Variants in LRRC46 observed in about 807,000 individuals in gnomAD.
LRRC46 encodes the protein leucine-rich repeat-containing protein 46.
Under a neutral mutation model 28.0 loss-of-function variants are expected in LRRC46, and 20 were observed. The ratio of observed to expected loss-of-function variants is 0.71; its 90% confidence interval spans 0.50 to 1.04. LRRC46 has a LOEUF of 1.04. LRRC46 is among the 50% of genes least tolerant of loss of function. LRRC46 has a pLI of 0.00. For missense variants in LRRC46, 315 were observed against 390.1 expected, an observed-to-expected ratio of 0.81 and a Z score of 1.62; for synonymous variants, 156 against 158.8, an observed-to-expected ratio of 0.98 and a Z score of 0.13.
At position 47,837,186 on chromosome 17, in the gene LRRC46, C is replaced by A; in HGVS notation, c.*66C>A. 6.4e-7 allele frequency: 1 copy of A among 1,566,618 alleles called. No individual in the cohort carries two copies. Among genetic ancestry groups the A allele is most frequent in the Non-Finnish European group, 8.6e-7 (1 of 1,164,694 alleles). On this transcript the variant is annotated 3_prime_UTR_variant, in exon 8 of 8. Coordinates refer to ENST00000269025, the MANE Select transcript of LRRC46 (RefSeq NM_033413.4). ...CCTGCCCCTCTTCTCAGACCTCTGA[C>A]CTGTGACAGAAGCCCATCCCCAGTA...
In LRRC46 at chr17:47,836,297, C is replaced by T. The variant is rs1453486722; in HGVS notation, c.453-36C>T. 5 of 1,610,814 alleles carry T rather than the reference C, an allele frequency of 3.1e-6. No individual in the cohort carries two copies. The highest frequency in any genetic ancestry group is 3.4e-6 in the Non-Finnish European group (4 of 1,178,712). ...TCTTTGCATCCTCCACGCCAGGGTGCCCTCCTGGGTAACCTCTGCTCCTTC... is the reference window on the plus strand; with the variant it reads ...TCTTTGCATCCTCCACGCCAGGGTGTCCTCCTGGGTAACCTCTGCTCCTTC... On this transcript the variant is annotated intron_variant, in intron 6 of 7. Transcript: ENST00000269025. The surrounding 1 kb of genome is among the most constrained non-coding windows in gnomAD (Gnocchi z 5.8).
chr17:47,835,555 C>A, intron 4 of LRRC46, 111 bp from the exon 5 acceptor site: 2 of 1,347,388 alleles, frequency 1.5e-6, no homozygotes, highest in Non-Finnish European at 2.1e-6. Flanking sequence ...CATGTGTCCC[C>A]ACTGGTCATC....
In LRRC46 at chr17:47,835,696, G is replaced by A; in HGVS notation, c.303G>A (p.Arg101=). ...RFLSLAGNQI[R]QVENLLDLPC... is the part of the protein sequence containing the mutation. ...TGTCTCTGGCAGGAAACCAAATCAG[G>A]CAGGTGGAAAACCTCCTCGACCTCC... Residue 101 remains arginine (R), a synonymous_variant, in exon 5 of 8, where the codon AGG becomes AGA. Coordinates refer to ENST00000269025, the MANE Select transcript of LRRC46 (RefSeq NM_033413.4). 4 of 1,614,122 alleles carry A rather than the reference G, an allele frequency of 2.5e-6. No individual in the cohort carries two copies. Among genetic ancestry groups the A allele is most frequent in the Non-Finnish European group, 1.7e-6 (2 of 1,180,002 alleles).
Position 47,837,214 on chromosome 17 carries a change from G to C in LRRC46, c.*94G>C, listed in dbSNP as rs1202528096. On this transcript the variant is annotated 3_prime_UTR_variant, in exon 8 of 8. Transcript: ENST00000269025. ...GTGACAGAAGCCCATCCCCAGTAAA[G>C]TGTCTCTAGGCCCTGAGTATGCTTT... 1 of 1,511,322 alleles carries C rather than the reference G, an allele frequency of 6.6e-7. No individual in the cohort carries two copies. Among genetic ancestry groups the C allele is most frequent in the East Asian group, 2.3e-5 (1 of 43,998 alleles). 93.6% of individuals were successfully genotyped at this position (1,511,322 alleles called of 1,614,324 possible).
Position 47,835,810 on chromosome 17 carries a change from T to TCCC in LRRC46, c.382+37_382+39dup, listed in dbSNP as rs3833169. The TCCC allele has an allele frequency of 1.8e-4, 275 of 1,569,210 alleles. 1 individual carries two copies. The East Asian group carries it at 5.6e-3, about 32-fold the overall frequency. Reference sequence around the variant, plus strand: ...CACTCGCCCTGGCTCACCAAACACATCCCCTGTGGGGCCTGCCCTCCCCTC... The same window carrying TCCC: ...CACTCGCCCTGGCTCACCAAACACATCCCCCCCTGTGGGGCCTGCCCTCCCCTC... On this transcript the variant is annotated intron_variant, in intron 5 of 7. Transcript: ENST00000269025.
rs776843843 is a variant in LRRC46, at chr17:47,832,019, G to A, written c.10+20G>A. On this transcript the variant is annotated intron_variant, in intron 1 of 7. Coordinates refer to ENST00000269025, the MANE Select transcript of LRRC46 (RefSeq NM_033413.4). ...CTGGAGGTGAGTAGGGAGGTGGGAC[G>A]GTGGGTAGAGCAGTTGGAAAACAGC... The A allele has an allele frequency of 1.2e-6, 2 of 1,613,860 alleles. No individual in the cohort carries two copies. The highest frequency in any genetic ancestry group is 1.7e-6 in the Non-Finnish European group (2 of 1,179,990).
At position 47,837,600 on chromosome 17, in the gene LRRC46, C is replaced by T; in HGVS notation, c.*480C>T. 1.9e-6 allele frequency: 1 copy of T among 538,766 alleles called. No individual in the cohort carries two copies. The highest frequency in any genetic ancestry group is 2.5e-5 in the South Asian group (1 of 40,650). The allele number at this position is 538,766 out of a possible 1,614,324, so 33.4% of individuals were successfully genotyped here. ...TCACCCACTCATAGGAATGAGTACACAACCACAGGCCCCGCAGCCAGCCCA... is the reference window on the plus strand; with the variant it reads ...TCACCCACTCATAGGAATGAGTACATAACCACAGGCCCCGCAGCCAGCCCA... On this transcript the variant is annotated 3_prime_UTR_variant, in exon 8 of 8. Coordinates refer to ENST00000269025, the MANE Select transcript of LRRC46 (RefSeq NM_033413.4).
chr17:47,831,910 T>C lies in LRRC46; in HGVS notation c.-80T>C. The C allele has an allele frequency of 6.3e-7, 1 of 1,587,556 alleles. No individual in the cohort carries two copies. The highest frequency in any genetic ancestry group is 8.6e-7 in the Non-Finnish European group (1 of 1,158,816). ...TTCTCTCTCCTCCTGCCATCCTGAG[T>C]TCTGCCATCCTTAGGGGCCGCCAAG... On this transcript the variant is annotated 5_prime_UTR_variant, in exon 1 of 8. Coordinates refer to ENST00000269025, the MANE Select transcript of LRRC46 (RefSeq NM_033413.4).
At chr17:47,835,581 G>A (rs1453828586) in intron 4 of LRRC46, 85 bp from the exon 5 acceptor site, 2 of 1,464,514 alleles carry the variant, frequency 1.4e-6, no homozygotes, top group Admixed American at 1.7e-5. Context: ...CCTAGCCCAG[G>A]GGCCCCGGTG....
In LRRC46 at chr17:47,836,972, C is replaced by T; in HGVS notation, c.818C>T (p.Pro273Leu). Residue 273 changes from proline to leucine, a missense_variant, in exon 8 of 8, where the codon CCC becomes CTC. Physicochemically the swap from Pro to Leu is moderately conservative, Grantham distance 98. Coordinates refer to ENST00000269025, the MANE Select transcript of LRRC46 (RefSeq NM_033413.4). This position sits in a 1 kb window ranked among gnomAD's most constrained non-coding sequence, Gnocchi z 5.8. The part of the protein sequence containing the change: ...EAVSSPQASS[P>L]TKKPCSLIPR... ...GTCTCCTCACCCCAGGCCTCCTCTC[C>T]CACCAAGAAACCATGCAGTCTGATT... The T allele has an allele frequency of 6.2e-7, 1 of 1,613,648 alleles. No homozygotes were observed. Among genetic ancestry groups the T allele is most frequent in the Admixed American group, 1.7e-5 (1 of 59,888 alleles).
chr17:47,836,473 G>C lies in LRRC46; in HGVS notation c.593G>C (p.Arg198Pro). 1 of 1,613,834 alleles carries C rather than the reference G, an allele frequency of 6.2e-7. No individual in the cohort carries two copies. The highest frequency in any genetic ancestry group is 1.1e-5 in the South Asian group (1 of 91,056). The change falls in exon 7 of 8, where the codon CGA becomes CCA. Residue 198 changes from arginine (R) to proline (P), a missense_variant and splice_region_variant. By Grantham distance (103) the Arg-to-Pro change is moderately radical. Transcript: ENST00000269025. This position sits in a 1 kb window ranked among gnomAD's most constrained non-coding sequence, Gnocchi z 5.8. ...PELSGPFCSE[R>P]GFLKELEQEL... ...CTGAGTGGCCCATTCTGCTCAGAAC[G>C]AGGTGACCCTGCTTTCCAAGGTTTT...
At position 47,835,694 on chromosome 17, in the gene LRRC46, AG is replaced by A; in HGVS notation, c.303del (p.Arg101SerfsTer21). The A allele has an allele frequency of 6.2e-7, 1 of 1,614,126 alleles. No homozygotes were observed. Among genetic ancestry groups the A allele is most frequent in the Non-Finnish European group, 8.5e-7 (1 of 1,180,020 alleles). The part of the protein sequence containing the change: ...RFLSLAGNQI[R>X]QVENLLDLPC... ...CCTGTCTCTGGCAGGAAACCAAATC[AG>A]GCAGGTGGAAAACCTCCTCGACCTC... is the stretch of plus-strand genomic sequence containing the variant. On this transcript the variant is annotated frameshift_variant, in exon 5 of 8. Coordinates refer to ENST00000269025, the MANE Select transcript of LRRC46 (RefSeq NM_033413.4). LOFTEE classifies it high-confidence loss of function.
chr17:47,831,899 G>C lies in LRRC46; in HGVS notation c.-91G>C. ...AGTCTCTGAGTTTCTCTCTCCTCCT[G>C]CCATCCTGAGTTCTGCCATCCTTAG... On this transcript the variant is annotated 5_prime_UTR_variant, in exon 1 of 8. Transcript: ENST00000269025. 1 of 1,547,032 alleles carries C rather than the reference G, an allele frequency of 6.5e-7. No homozygotes were observed. Among genetic ancestry groups the C allele is most frequent in the South Asian group, 1.1e-5 (1 of 88,782 alleles).
Position 47,837,360 on chromosome 17 carries a change from C to T in LRRC46, c.*240C>T. ...TCTGGAATCTTTCGGGAGCTACCCA[C>T]AGGGCAGGCATGCCTCAGGCCCCCG... On this transcript the variant is annotated 3_prime_UTR_variant, in exon 8 of 8. Coordinates refer to ENST00000269025, the MANE Select transcript of LRRC46 (RefSeq NM_033413.4). 1.8e-6 allele frequency: 1 copy of T among 551,538 alleles called. No individual in the cohort carries two copies. Among genetic ancestry groups the T allele is most frequent in the South Asian group, 2.6e-5 (1 of 38,932 alleles). The allele number at this position is 551,538 out of a possible 1,614,324, so 34.2% of individuals were successfully genotyped here.
chr17:47,836,167 CCT>C lies in LRRC46; in HGVS notation c.452+69_452+70del. On this transcript the variant is annotated intron_variant, in intron 6 of 7. Transcript: ENST00000269025. This position sits in a 1 kb window ranked among gnomAD's most constrained non-coding sequence, Gnocchi z 5.8. ...TCTACCTGCTAACTCAGCCCAGACC[CCT>C]CTCAGCCTGCAAACCTGGGGTCCTG... The C allele has an allele frequency of 1.9e-6, 3 of 1,593,696 alleles. No homozygotes were observed. Among genetic ancestry groups the C allele is most frequent in the Non-Finnish European group, 2.6e-6 (3 of 1,161,940 alleles).
chr17:47,833,239 CCTA>C (rs2033655243), intron 2 of LRRC46, among the ~76,000 whole-genome samples: 1 of 152,138 alleles, frequency 6.6e-6, no homozygotes, highest in Non-Finnish European at 1.5e-5. Context: ...CCTGATTCCT[CCTA>C]CTGTGAATTT....
rs1296748784 is a variant in LRRC46, at chr17:47,831,898, T to A, written c.-92T>A. The A allele has an allele frequency of 1.3e-5, 20 of 1,546,432 alleles. No individual in the cohort carries two copies. The highest frequency in any genetic ancestry group is 1.7e-5 in the Non-Finnish European group (19 of 1,123,560). ...AAGTCTCTGAGTTTCTCTCTCCTCC[T>A]GCCATCCTGAGTTCTGCCATCCTTA... On this transcript the variant is annotated 5_prime_UTR_variant, in exon 1 of 8. Coordinates refer to ENST00000269025, the MANE Select transcript of LRRC46 (RefSeq NM_033413.4).
Position 47,836,175 on chromosome 17 carries a change from C to A in LRRC46, c.452+73C>A. ...CTAACTCAGCCCAGACCCCTCTCAG[C>A]CTGCAAACCTGGGGTCCTGTCCATG... On this transcript the variant is annotated intron_variant, in intron 6 of 7. Transcript: ENST00000269025. The surrounding 1 kb of genome is among the most constrained non-coding windows in gnomAD (Gnocchi z 5.8). 1.3e-6 allele frequency: 2 copies of A among 1,585,252 alleles called. No individual in the cohort carries two copies. Among genetic ancestry groups the A allele is most frequent in the Admixed American group, 1.7e-5 (1 of 59,860 alleles).
Position 47,836,007 on chromosome 17 carries a change from A to G in LRRC46, c.383-26A>G. Reference sequence around the variant, plus strand: ...TTGGCTAAGATCAAGTGAGAACCCCATTTCCTCTCTCTTTGCTGTGTGCAG... The same window carrying G: ...TTGGCTAAGATCAAGTGAGAACCCCGTTTCCTCTCTCTTTGCTGTGTGCAG... On this transcript the variant is annotated intron_variant, in intron 5 of 7. Transcript: ENST00000269025. The surrounding 1 kb of genome is among the most constrained non-coding windows in gnomAD (Gnocchi z 5.8). 6.2e-7 allele frequency: 1 copy of G among 1,612,754 alleles called. No homozygotes were observed.
Sources: allele counts gnomAD v4.1 joint callset (sites outside exome capture counted in the v4.1 genomes callset), GRCh38; gene constraint gnomAD v4.1.1; non-coding constraint Gnocchi (gnomAD v3.1); transcripts MANE v1.5; gene names NCBI Gene and HGNC (gene_info 2026-07-23, HGNC 2026-07-21).